Variants in NFX1 observed in about 807,000 individuals in gnomAD.
NFX1 encodes the protein transcriptional repressor NF-X1.
Under a neutral mutation model 137.2 loss-of-function variants are expected in NFX1, and 69 were observed. The observed-to-expected ratio is 0.50, with a 90% CI of 0.41 to 0.61. NFX1 has a LOEUF of 0.61. Ranked by LOEUF, NFX1 falls within the 20% of genes least tolerant of loss-of-function variation. The pLI is 0.00. For missense variants in NFX1, 1,167 were observed against 1,391.0 expected (o/e 0.84, Z 2.56); for synonymous variants, 495 against 474.1 (o/e 1.04, Z -0.57).
intron 2 of NFX1, among the ~76,000 whole-genome samples, chr9:33,299,067 G>A (rs1335624404): frequency 6.6e-6 from 1 of 152,224 alleles, no homozygotes; most frequent in Non-Finnish European, 1.5e-5. Flanking sequence ...AATAATTTCA[G>A]ATTTATAGAA....
In NFX1 at chr9:33,371,031, G is replaced by A. The variant is rs1415276048; in HGVS notation, c.*1053G>A. On this transcript the variant is annotated 3_prime_UTR_variant, in exon 24 of 24. Transcript: ENST00000379540. ...CCTTGCATTGGCACCCCTCCAGCCT[G>A]GAGGCCAGGCTTCCAGCAACTTCCT... 1 of 152,164 alleles carries A rather than the reference G, an allele frequency of 6.6e-6. No individual in the cohort carries two copies. The highest frequency in any genetic ancestry group is 1.5e-5 in the Non-Finnish European group (1 of 68,050). 9.4% of individuals were successfully genotyped at this position (152,164 alleles called of 1,614,324 possible).
At chr9:33,325,528 G>A (rs778018873) in intron 9 of NFX1, among the ~76,000 whole-genome samples, 10 of 152,162 alleles carry the variant, frequency 6.6e-5, no homozygotes, top group Non-Finnish European at 1.3e-4. Flanking sequence ...GCCGGGCATG[G>A]TGGCGGGCAC....
At chr9:33,335,571 G>T (rs939311526) in intron 11 of NFX1, among the ~76,000 whole-genome samples, 2 of 151,978 alleles carry the variant, frequency 1.3e-5, no homozygotes, top group Non-Finnish European at 2.9e-5. Context: ...TTGAGACAGG[G>T]TCTCACTTTG....
At chr9:33,339,274 G>A (rs951431845) in intron 12 of NFX1, among the ~76,000 whole-genome samples, 3 of 152,080 alleles carry the variant, frequency 2.0e-5, no homozygotes, top group Non-Finnish European at 4.4e-5. Context: ...AAGTCGGTGG[G>A]GAGGCCTCAC....
chr9:33,365,018 AAT>A (rs1184669603), intron 21 of NFX1: 14 of 1,287,552 alleles, frequency 1.1e-5, no homozygotes, highest in Non-Finnish European at 1.4e-5. Context: ...TCATGCCTGT[AAT>A]GCCAGCACTT....
At chr9:33,365,139 T>A in intron 21 of NFX1, 1 of 270,328 alleles carries the variant, frequency 3.7e-6, no homozygotes, top group Non-Finnish European at 6.0e-6. Context: ...CTGGGTGTGG[T>A]GGCGGGCACC....
chr9:33,353,683 CTTTTTTT>C (rs111306917), intron 17 of NFX1, among the ~76,000 whole-genome samples: 42 of 110,084 alleles, frequency 3.8e-4, no homozygotes, highest in East Asian at 8.4e-4. Flanking sequence ...GATAGATTTG[CTTTTTTT>C]TTTTTTTTTT....
chr9:33,297,628 G>A (rs1389394029), intron 2 of NFX1, among the ~76,000 whole-genome samples: 1 of 152,164 alleles, frequency 6.6e-6, no homozygotes, highest in African/African-American at 2.4e-5. Context: ...CTGGTTGTTG[G>A]TAGGATTCAG....
intron 10 of NFX1, among the ~76,000 whole-genome samples, chr9:33,330,114 A>G (rs10971470): frequency 0.046 from 7,066 of 152,244 alleles, 484 homozygotes; most frequent in African/African-American, 0.15. Flanking sequence ...AGTTTTCATC[A>G]GACTTTATGT....
chr9:33,350,680 A>G (rs1157584883), intron 15 of NFX1, among the ~76,000 whole-genome samples: 1 of 152,190 alleles, frequency 6.6e-6, no homozygotes, highest in Non-Finnish European at 1.5e-5. Flanking sequence ...TTTCAGATAA[A>G]TAGAGCTTTT....
chr9:33,369,540 A>T (rs2118717410), intron 23 of NFX1, among the ~76,000 whole-genome samples: 1 of 152,346 alleles, frequency 6.6e-6, no homozygotes, highest in East Asian at 1.9e-4. Context: ...CACAAGTGAG[A>T]TGCTCGCTTG....
At chr9:33,331,571 A>G (rs550063859) in intron 10 of NFX1, among the ~76,000 whole-genome samples, 2 of 152,170 alleles carry the variant, frequency 1.3e-5, no homozygotes, top group Non-Finnish European at 2.9e-5. Flanking sequence ...TAGAGAGCAT[A>G]TAGGGAACTT....
intron 19 of NFX1, among the ~76,000 whole-genome samples, chr9:33,358,594 G>A (rs946126720): frequency 6.9e-6 from 1 of 145,770 alleles, no homozygotes; most frequent in African/African-American, 2.5e-5. Flanking sequence ...ATGTGCTTCA[G>A]CAGGCATAAA....
chr9:33,347,569 T>C (rs1823471214), intron 15 of NFX1: 1 of 195,610 alleles, frequency 5.1e-6, no homozygotes, highest in Non-Finnish European at 1.1e-5. Flanking sequence ...GGAACACTTT[T>C]ACACTGCTGG....
chr9:33,319,105 G>A lies in NFX1; in HGVS notation c.1884G>A (p.Lys628=). Residue 628 remains lysine, a synonymous_variant, in exon 9 of 24, where the codon AAG becomes AAA. Coordinates refer to ENST00000379540, the MANE Select transcript of NFX1 (RefSeq NM_002504.6). ...PVPSCGKVCG[K]PLPCGSLDFI... is the part of the protein sequence containing the mutation. Reference sequence around the variant, plus strand: ...CTTCATGTGGAAAAGTGTGCGGCAAGCCTCTGCCTTGTGGTTCCTTAGGTA... The same window carrying A: ...CTTCATGTGGAAAAGTGTGCGGCAAACCTCTGCCTTGTGGTTCCTTAGGTA... The A allele has an allele frequency of 6.2e-7, 1 of 1,614,210 alleles. No homozygotes were observed. The highest frequency in any genetic ancestry group is 1.1e-5 in the South Asian group (1 of 91,086).
intron 9 of NFX1, among the ~76,000 whole-genome samples, chr9:33,320,522 C>T (rs1822346607): frequency 6.6e-6 from 1 of 152,162 alleles, no homozygotes; most frequent in Non-Finnish European, 1.5e-5. Flanking sequence ...GTATGCTTGC[C>T]TGTCTACTTT....
chr9:33,357,296 C>T (rs982413531), intron 19 of NFX1, among the ~76,000 whole-genome samples: 3 of 151,442 alleles, frequency 2.0e-5, no homozygotes, highest in Non-Finnish European at 2.9e-5. Flanking sequence ...TGGGAGACTC[C>T]GCATCAAAAA....
intron 11 of NFX1, among the ~76,000 whole-genome samples, chr9:33,333,125 C>T (rs1822872848): frequency 6.6e-6 from 1 of 151,852 alleles, no homozygotes; most frequent in Non-Finnish European, 1.5e-5. Context: ...GGATTACAGG[C>T]ATGAGTCACC....
At position 33,364,092 on chromosome 9, in the gene NFX1, T is replaced by G; in HGVS notation, c.2956T>G (p.Leu986Val). 1 of 1,603,794 alleles carries G rather than the reference T, an allele frequency of 6.2e-7. No individual in the cohort carries two copies. Among genetic ancestry groups the G allele is most frequent in the Non-Finnish European group, 8.5e-7 (1 of 1,176,088 alleles). ...RSSGSKFSDS[L>V]KEDARKDLKF... ...TTCAGGGTCAAAATTCAGTGATAGT[T>G]TGAAAGAAGATGCCAGGTATGTAAC... is the stretch of plus-strand genomic sequence containing the variant. The change falls in exon 20 of 24, where the codon TTG becomes GTG. Residue 986 changes from leucine (L) to valine (V), a missense_variant. Leu to Val is a conservative substitution (Grantham distance 32). Around this residue, in one of 3 missense-constraint regions of NFX1, gnomAD observed 312 missense variants for 312.8 expected, o/e 1.00. Coordinates refer to ENST00000379540, the MANE Select transcript of NFX1 (RefSeq NM_002504.6).
Sources: allele counts gnomAD v4.1 joint callset (sites outside exome capture counted in the v4.1 genomes callset), GRCh38; gene constraint gnomAD v4.1.1; regional missense constraint gnomAD v4.1.1; transcripts MANE v1.5; gene names NCBI Gene and HGNC (gene_info 2026-07-23, HGNC 2026-07-21).